CNRIP1: variants seen among roughly 807,000 people sequenced by gnomAD.
The protein encoded by CNRIP1 is CB1 cannabinoid receptor-interacting protein 1.
In CNRIP1, 10 loss-of-function variants were observed where a neutral mutation model predicts 15.2. The observed-to-expected ratio is 0.66, with a 90% CI of 0.41 to 1.12. The LOEUF (loss-of-function observed/expected upper bound fraction) is 1.12, where lower values mean the gene tolerates loss of function less well. CNRIP1 is among the 50% of genes most tolerant of loss of function. CNRIP1 has a pLI of 0.00. For missense variants in CNRIP1, 211 were observed against 214.7 expected (o/e 0.98, Z 0.11); for synonymous variants, 91 against 83.2 (o/e 1.09, Z -0.51).
chr2:68,306,893 G>C (rs1671875848), intron 2 of CNRIP1, among the ~76,000 whole-genome samples: 1 of 152,164 alleles, frequency 6.6e-6, no homozygotes, highest in African/African-American at 2.4e-5. Flanking sequence ...CAGGACAGAA[G>C]GCCATTCAAG....
chr2:68,296,396 A>C (rs1381916850), intron 2 of CNRIP1, among the ~76,000 whole-genome samples: 1 of 152,060 alleles, frequency 6.6e-6, no homozygotes. Context: ...TCTACAAAAA[A>C]TGTTTGAAAA....
At chr2:68,310,104 G>T (rs543187705) in intron 2 of CNRIP1, among the ~76,000 whole-genome samples, 2 of 152,268 alleles carry the variant, frequency 1.3e-5, no homozygotes, top group East Asian at 1.9e-4. Context: ...GAGGCAGGTG[G>T]ATCACTTGAG....
intron 1 of CNRIP1, 120 bp downstream of exon 1, chr2:68,319,102 G>A (rs1283020599): frequency 9.6e-7 from 1 of 1,045,882 alleles, no homozygotes; most frequent in Non-Finnish European, 1.3e-6. Context: ...CCAACCCCCG[G>A]GCCCGCTGGG....
At chr2:68,301,893 CAAAAAAAAAA>C (rs61613452) in intron 2 of CNRIP1, among the ~76,000 whole-genome samples, 1 of 74,314 alleles carries the variant, frequency 1.3e-5, no homozygotes, top group Non-Finnish European at 2.5e-5. Context: ...GTCTCCGTCT[CAAAAAAAAAA>C]AAAAAAAAAA....
intron 2 of CNRIP1, among the ~76,000 whole-genome samples, chr2:68,313,576 C>A (rs1672169728): frequency 6.6e-6 from 1 of 152,116 alleles, no homozygotes; most frequent in Non-Finnish European, 1.5e-5. Flanking sequence ...CAGCACTGTT[C>A]CATTTACATG....
chr2:68,298,523 CAA>C (rs976195152), intron 2 of CNRIP1, among the ~76,000 whole-genome samples: 13 of 152,054 alleles, frequency 8.5e-5, no homozygotes, highest in East Asian at 1.9e-4. Flanking sequence ...AAAAAATTTT[CAA>C]AAGTCTCAAT....
At chr2:68,319,106 C>A (rs1007761761) in intron 1 of CNRIP1, 116 bp downstream of exon 1, 1 of 1,112,924 alleles carries the variant, frequency 9.0e-7, no homozygotes. Context: ...CCCCCGGGCC[C>A]GCTGGGAGCG....
At position 68,294,006 on chromosome 2, in the gene CNRIP1, G is replaced by A. The variant is rs146155325; in HGVS notation, c.351C>T (p.Phe117=). The change falls in exon 3 of 3, where the codon TTC becomes TTT. Residue 117 remains phenylalanine (F), a synonymous_variant. Coordinates refer to ENST00000263655, the MANE Select transcript of CNRIP1 (RefSeq NM_015463.3). ...AGAACTTGACTTGCCACACTGTCTC[G>A]AAGGTCCCAATGTCTGTGAACTGAG... ...ITMPFTDIGT[F]ETVWQVKFYN... 124 of 1,613,886 alleles carry A rather than the reference G, an allele frequency of 7.7e-5. No individual in the cohort carries two copies. Among genetic ancestry groups the A allele is most frequent in the Non-Finnish European group, 9.5e-5 (112 of 1,179,960 alleles).
At chr2:68,312,295 G>T (rs1264429365) in intron 2 of CNRIP1, among the ~76,000 whole-genome samples, 1 of 151,682 alleles carries the variant, frequency 6.6e-6, no homozygotes, top group Non-Finnish European at 1.5e-5. Context: ...TATTTAACCT[G>T]GGAATTCAAG....
exon 3 of CNRIP1, chr2:68,284,201 A>C: frequency 2.9e-6 from 1 of 341,434 alleles, no homozygotes; most frequent in Non-Finnish European, 5.3e-6. Context: ...TATGATAAGA[A>C]TCACCTAAAG....
chr2:68,290,098 G>A (rs1017717740), downstream of CNRIP1, among the ~76,000 whole-genome samples: 7 of 138,980 alleles, frequency 5.0e-5, no homozygotes, highest in Admixed American at 8.1e-5. Context: ...GCATGATCCC[G>A]GCTCACTGCA....
intron 2 of CNRIP1, among the ~76,000 whole-genome samples, chr2:68,286,835 G>A (rs1239925498): frequency 6.6e-6 from 1 of 152,012 alleles, no homozygotes; most frequent in African/African-American, 2.4e-5. Flanking sequence ...TATGACCTTG[G>A]GCAGGTAGCC....
At chr2:68,313,096 A>G (rs1672149646) in intron 2 of CNRIP1, among the ~76,000 whole-genome samples, 2 of 152,152 alleles carry the variant, frequency 1.3e-5, no homozygotes, top group Admixed American at 1.3e-4. Context: ...AGAATAAACA[A>G]AGCTAGAAGA....
intron 1 of CNRIP1, 121 bp from the exon 2 acceptor site, chr2:68,317,428 G>A (rs529400465): frequency 5.4e-5 from 56 of 1,039,474 alleles, no homozygotes; most frequent in South Asian, 5.3e-4. Flanking sequence ...ATTGTGGTGC[G>A]GGAGAAAGTT....
chr2:68,312,778 A>G (rs1672141024), intron 2 of CNRIP1, among the ~76,000 whole-genome samples: 1 of 152,174 alleles, frequency 6.6e-6, no homozygotes, highest in African/African-American at 2.4e-5. Context: ...TACAAAAAAA[A>G]TCGATTTTAT....
intron 2 of CNRIP1, among the ~76,000 whole-genome samples, chr2:68,304,872 A>C (rs1671753719): frequency 6.6e-6 from 1 of 152,178 alleles, no homozygotes; most frequent in Non-Finnish European, 1.5e-5. Context: ...TTTTTATTCT[A>C]GTCTTGAAGC....
intron 2 of CNRIP1, among the ~76,000 whole-genome samples, chr2:68,307,235 TTGTA>T (rs752312195): frequency 1.3e-5 from 2 of 152,242 alleles, no homozygotes; most frequent in Non-Finnish European, 1.5e-5. Context: ...TGTTATACAA[TTGTA>T]TGTATTGTCT....
chr2:68,297,417 C>T (rs972968624), intron 2 of CNRIP1, among the ~76,000 whole-genome samples: 5 of 151,552 alleles, frequency 3.3e-5, no homozygotes, highest in African/African-American at 1.2e-4. Flanking sequence ...AAATTAAAAA[C>T]ATTAGCTGGG....
downstream of CNRIP1, among the ~76,000 whole-genome samples, chr2:68,290,275 G>A (rs1045439933): frequency 2.6e-5 from 4 of 151,974 alleles, no homozygotes; most frequent in East Asian, 5.8e-4. Flanking sequence ...TGATCTACTC[G>A]CTTCAGCTTC....
Sources: gnomAD v4.1 joint callset for allele counts (sites outside exome capture counted in the v4.1 genomes callset) on GRCh38, gnomAD v4.1.1 for gene constraint, MANE v1.5 for transcripts, NCBI Gene and HGNC (gene_info 2026-07-23, HGNC 2026-07-21) for gene names.